The following GPR33 variants were observed in gnomAD, a reference collection of about 807,000 sequenced individuals.
GPR33 encodes G protein-coupled receptor 33.
Under a neutral mutation model 3.1 loss-of-function variants are expected in GPR33, and 4 were observed. That is an observed-to-expected ratio of 1.29 (90% confidence interval 0.64 to 2.96). The LOEUF is 2.96. Among genes scored for constraint, GPR33 ranks in the 30% most tolerant of loss-of-function variants. GPR33 has a pLI of 0.01. For synonymous variants in GPR33, 138 were observed against 142.0 expected, an observed-to-expected ratio of 0.97 and a Z score of 0.20; for missense variants, 390 against 388.9, an observed-to-expected ratio of 1.00 and a Z score of -0.02.
At position 31,483,443 on chromosome 14, in the gene GPR33, C is replaced by T; in HGVS notation, c.523G>A (p.Gly175Arg). Reference sequence around the variant, plus strand: ...TAGTTATTTTGGCAAGTCACCTTTCCTTTACGGTCATGATGTGTCTCTCTG... The same window carrying T: ...TAGTTATTTTGGCAAGTCACCTTTCTTTTACGGTCATGATGTGTCTCTCTG... The part of the protein sequence containing the change: ...IFRETHHDRK[G>R]KVTCQNNYAV... The change falls in exon 2 of 2, where the codon GGA becomes AGA. Residue 175 changes from glycine to arginine, a missense_variant. Transcript: ENST00000399285. 2 of 1,536,154 alleles carry T rather than the reference C, an allele frequency of 1.3e-6. No individual in the cohort carries two copies.
rs1415621704 is a variant in GPR33, at chr14:31,483,710, T to C, written c.256A>G (p.Thr86Ala). 6.5e-7 allele frequency: 1 copy of C among 1,536,034 alleles called. No homozygotes were observed. Among genetic ancestry groups the C allele is most frequent in the Admixed American group, 2.0e-5 (1 of 50,986 alleles). ...CAGTGATTGTCTTGAAGTTGGGAGG[T>C]GGCCATAAATGGCAGAATCATTGTT... ...ISTMILPFMATSQLQDNHWNF... is the reference protein window; with the variant it reads ...ISTMILPFMAASQLQDNHWNF... Residue 86 changes from threonine (T) to alanine (A), a missense_variant, in exon 2 of 2, where the codon ACC (threonine) becomes GCC (alanine). Coordinates refer to ENST00000399285, the MANE Select transcript of GPR33 (RefSeq NM_001197184.3).
Position 31,483,374 on chromosome 14 carries a change from T to C in GPR33, c.592A>G (p.Arg198Gly), listed in dbSNP as rs954739680. The C allele has an allele frequency of 2.2e-5, 34 of 1,536,066 alleles. No individual in the cohort carries two copies. Among genetic ancestry groups the C allele is most frequent in the Non-Finnish European group, 3.0e-5 (34 of 1,146,920 alleles). Residue 198 changes from arginine to glycine, a missense_variant, in exon 2 of 2, where the codon AGG becomes GGG. Transcript: ENST00000399285. ...NWESKEMQAS[R>G]QWIHVACFIS... ...AAACAGGCCACATGAATCCACTGCC[T>C]TGATGCTTGCATCTCCTTGCTTTCC...
intron 1 of GPR33, among the ~76,000 whole-genome samples, chr14:31,484,453 T>C (rs1034846760): frequency 2.6e-5 from 4 of 152,090 alleles, no homozygotes; most frequent in Non-Finnish European, 5.9e-5. Context: ...ATAATTTTTT[T>C]GTTTGTTTGT....
chr14:31,483,694 T>C lies in GPR33; in HGVS notation c.272A>G (p.Asp91Gly). 1 of 1,536,074 alleles carries C rather than the reference T, an allele frequency of 6.5e-7. No homozygotes were observed. The highest frequency in any genetic ancestry group is 8.7e-7 in the Non-Finnish European group (1 of 1,146,910). The change falls in exon 2 of 2, where the codon GAC becomes GGC. Residue 91 changes from aspartate (D) to glycine (G), a missense_variant. Physicochemically the swap from Asp to Gly is moderately conservative, Grantham distance 94 (BLOSUM62 -1). Transcript: ENST00000399285. ...GGCAGTTCCAAAGTTCCAGTGATTG[T>C]CTTGAAGTTGGGAGGTGGCCATAAA... is the stretch of plus-strand genomic sequence containing the variant. ...LPFMATSQLQ[D>G]NHWNFGTALC...
intron 1 of GPR33, among the ~76,000 whole-genome samples, chr14:31,487,432 GTTT>G (rs752227440): frequency 1.4e-5 from 1 of 70,378 alleles, no homozygotes; most frequent in Non-Finnish European, 2.5e-5. Context: ...AAGCCCCTCA[GTTT>G]TTTTTTTTTT....
At chr14:31,486,730 G>A (rs186816351) in intron 1 of GPR33, among the ~76,000 whole-genome samples, 48 of 152,298 alleles carry the variant, frequency 3.2e-4, no homozygotes, top group African/African-American at 1.1e-3. Flanking sequence ...ATTCTGAGAA[G>A]CAGAAATGAC....
Position 31,483,776 on chromosome 14 carries a change from T to C in GPR33, c.190A>G (p.Thr64Ala). 1.3e-6 allele frequency: 2 copies of C among 1,535,968 alleles called. No homozygotes were observed. The highest frequency in any genetic ancestry group is 1.2e-5 in the South Asian group (1 of 84,040). ...LRFKMKQTVN[T>A]LLFFHLILSY... ...AGAATGAGATGAAAAAATAAGAGAG[T>C]ATTGACAGTCTGTTTCATCTTGAAT... The change falls in exon 2 of 2, where the codon ACT (threonine) becomes GCT (alanine). Residue 64 changes from threonine to alanine, a missense_variant. Coordinates refer to ENST00000399285, the MANE Select transcript of GPR33 (RefSeq NM_001197184.3).
rs771180618 is a variant in GPR33, at chr14:31,483,863, A to T, written c.103T>A (p.Ser35Thr). 6.9e-5 allele frequency: 106 copies of T among 1,536,020 alleles called. 1 individual carries two copies. The highest frequency in any genetic ancestry group is 5.0e-4 in the Middle Eastern group (3 of 6,012). Residue 35 changes from serine (S) to threonine (T), a missense_variant, in exon 2 of 2, where the codon TCT becomes ACT. Ser to Thr is a moderately conservative substitution (Grantham distance 58). Coordinates refer to ENST00000399285, the MANE Select transcript of GPR33 (RefSeq NM_001197184.3). ...CCAATTATAGATGAAATGTACAAAG[A>T]AAGGGCAATAATCATTTTTGATGCA... ...APASKMIIALSLYISSIIGTI... is the reference protein window; with the variant it reads ...APASKMIIALTLYISSIIGTI...
intron 1 of GPR33, among the ~76,000 whole-genome samples, chr14:31,487,283 A>T (rs919721022): frequency 2.0e-5 from 3 of 152,078 alleles, no homozygotes; most frequent in African/African-American, 7.2e-5. Context: ...CACCTTTAAA[A>T]TGATGTTAAA....
chr14:31,483,745 TAAGAG>T lies in GPR33; in HGVS notation c.216_220del (p.Ser73PhefsTer51), dbSNP rs1595231683. ...TGGCAGAATCATTGTTGAAATAAAATAAGAGAGAATGAGATGAAAAAATAAGAGAG... is the reference window on the plus strand; with the variant it reads ...TGGCAGAATCATTGTTGAAATAAAATAGAATGAGATGAAAAAATAAGAGAG... On this transcript the variant is annotated frameshift_variant, in exon 2 of 2. Coordinates refer to ENST00000399285, the MANE Select transcript of GPR33 (RefSeq NM_001197184.3). LOFTEE classifies it low-confidence loss of function (END_TRUNC). 2 of 1,536,054 alleles carry T rather than the reference TAAGAG, an allele frequency of 1.3e-6. No homozygotes were observed. The highest frequency in any genetic ancestry group is 4.9e-5 in the East Asian group (2 of 40,922).
At position 31,482,955 on chromosome 14, in the gene GPR33, C is replaced by T. The variant is rs1179276284; in HGVS notation, c.*9G>A. 1 of 1,487,082 alleles carries T rather than the reference C, an allele frequency of 6.7e-7. No individual in the cohort carries two copies. Among genetic ancestry groups the T allele is most frequent in the African/African-American group, 1.4e-5 (1 of 70,680 alleles). The allele number at this position is 1,487,082 out of a possible 1,614,324, so 92.1% of individuals were successfully genotyped here. Reference sequence around the variant, plus strand: ...TAAGAATCTAGAATTTAAATTTAGGCTTCTGAGTTTAGGTTTGTGTCCTTT... The same window carrying T: ...TAAGAATCTAGAATTTAAATTTAGGTTTCTGAGTTTAGGTTTGTGTCCTTT... On this transcript the variant is annotated 3_prime_UTR_variant, in exon 2 of 2. Coordinates refer to ENST00000399285, the MANE Select transcript of GPR33 (RefSeq NM_001197184.3).
chr14:31,484,897 G>A lies in GPR33; in HGVS notation c.-6-926C>T, dbSNP rs1263730276. On this transcript the variant is annotated intron_variant, in intron 1 of 1. Coordinates refer to ENST00000399285, the MANE Select transcript of GPR33 (RefSeq NM_001197184.3). ...ACTGCAAGATTGTGAAGTACCTTCA[G>A]AATCATCAACAAAAGAGGGAAGTGT... 4.6e-5 allele frequency among the ~76,000 whole-genome samples: 7 copies of A among 151,746 alleles called. No individual in the cohort carries two copies. The East Asian group carries it at 7.8e-4, about 17-fold the overall frequency.
intron 1 of GPR33, among the ~76,000 whole-genome samples, chr14:31,485,142 G>A (rs1250084381): frequency 1.3e-5 from 2 of 151,664 alleles, no homozygotes; most frequent in African/African-American, 2.4e-5. Context: ...TGCCATGTTG[G>A]CCAGGCTGGT....
At chr14:31,484,956 G>A (rs1473071766) in intron 1 of GPR33, among the ~76,000 whole-genome samples, 8 of 149,960 alleles carry the variant, frequency 5.3e-5, no homozygotes, top group Non-Finnish European at 8.9e-5. Context: ...TTTTTTTTGA[G>A]TCAGAGTCTT....
intron 1 of GPR33, among the ~76,000 whole-genome samples, chr14:31,484,671 T>A (rs2032398838): frequency 6.6e-6 from 1 of 152,150 alleles, no homozygotes; most frequent in Admixed American, 6.5e-5. Flanking sequence ...GAATGAGTCT[T>A]ATTTGACTTG....
intron 1 of GPR33, among the ~76,000 whole-genome samples, chr14:31,485,637 CAAAA>C (rs34013315): frequency 2.6e-5 from 3 of 113,238 alleles, no homozygotes; most frequent in Non-Finnish European, 5.5e-5. Context: ...GACTCTGTCT[CAAAA>C]AAAAAAAAAA....
At position 31,483,340 on chromosome 14, in the gene GPR33, C is replaced by T. The variant is rs544480097; in HGVS notation, c.626G>A (p.Arg209His). The part of the protein sequence containing the change: ...QWIHVACFIS[R>H]FLLGFLLPFF... ...AGGCAGAAGAAAGCCCAGCAAGAAG[C>T]GGCTGATGAAACAGGCCACATGAAT... The change falls in exon 2 of 2, where the codon CGC becomes CAC. Residue 209 changes from arginine (R) to histidine (H), a missense_variant. Arg to His is a conservative substitution (Grantham distance 29). Coordinates refer to ENST00000399285, the MANE Select transcript of GPR33 (RefSeq NM_001197184.3). The T allele has an allele frequency of 1.1e-4, 163 of 1,536,156 alleles. 2 individuals carry two copies. The South Asian group carries it at 1.6e-3, about 15-fold the overall frequency.
chr14:31,483,102 A>C lies in GPR33; in HGVS notation c.864T>G (p.Thr288=). ...TGGGAGAAAAGATAGTATTGAAAGA[A>C]GTGGTTAGCACTGTAAGTATCAAAG... The part of the protein sequence containing the change: ...ELTLILTVLT[T]SFNTIFSPTL... The change falls in exon 2 of 2, where the codon ACT becomes ACG. Residue 288 remains threonine (T), a synonymous_variant. Transcript: ENST00000399285. 6.5e-7 allele frequency: 1 copy of C among 1,536,160 alleles called. No individual in the cohort carries two copies. Among genetic ancestry groups the C allele is most frequent in the Non-Finnish European group, 8.7e-7 (1 of 1,146,914 alleles).
chr14:31,484,925 T>G (rs2032401422), intron 1 of GPR33, among the ~76,000 whole-genome samples: 1 of 151,952 alleles, frequency 6.6e-6, no homozygotes, highest in African/African-American at 2.4e-5. Context: ...GGAAGTGTAT[T>G]GTAAGATGTA....
Sources: allele counts gnomAD v4.1 joint callset (sites outside exome capture counted in the v4.1 genomes callset), GRCh38; gene constraint gnomAD v4.1.1; transcripts MANE v1.5; gene names NCBI Gene and HGNC (gene_info 2026-07-23, HGNC 2026-07-21).